FGF14: variants seen among roughly 807,000 people sequenced by gnomAD.
The protein encoded by FGF14 is fibroblast growth factor homologous factor 4.
A neutral mutation model predicts 25.5 loss-of-function variants in FGF14; 5 were observed. The ratio of observed to expected loss-of-function variants is 0.20; its 90% CI spans 0.10 to 0.41. The LOEUF is 0.41. Among genes scored for constraint, FGF14 ranks in the 10% least tolerant of loss-of-function variants. The pLI, the probability that FGF14 is intolerant of heterozygous loss-of-function variation, is 1.00. For synonymous variants in FGF14, 138 were observed against 118.3 expected (o/e 1.17, Z -1.08); for missense variants, 222 against 320.1 (o/e 0.69, Z 2.34).
intron 1 of FGF14, among the ~76,000 whole-genome samples, chr13:102,227,506 A>C (rs1006630350): frequency 2.6e-5 from 4 of 151,938 alleles, no homozygotes; most frequent in African/African-American, 7.3e-5. Flanking sequence ...ATGCATCCCC[A>C]CCCTGATGTC....
At chr13:102,149,087 A>C (rs2046972989) in intron 1 of FGF14, among the ~76,000 whole-genome samples, 1 of 152,194 alleles carries the variant, frequency 6.6e-6, no homozygotes, top group Non-Finnish European at 1.5e-5. Flanking sequence ...GTTAAGCTAT[A>C]TGCTAAGTGC....
At chr13:102,260,143 C>T (rs1467183093) in intron 1 of FGF14, among the ~76,000 whole-genome samples, 5 of 151,856 alleles carry the variant, frequency 3.3e-5, no homozygotes, top group African/African-American at 1.2e-4. Flanking sequence ...AAAAAAGAAG[C>T]GGGAGGAGGG....
chr13:102,257,333 C>CTTTCT lies in FGF14; in HGVS notation c.208+144133_208+144137dup, dbSNP rs1472391360. Among the ~76,000 whole-genome samples the CTTTCT allele has an allele frequency of 9.3e-5, 5 of 53,974 alleles. No homozygotes were observed. In the East Asian group the frequency reaches 2.8e-3, roughly 31 times the overall value. 35.4% of individuals were successfully genotyped at this position (53,974 alleles called of 152,430 possible). ...TCCTTTTTGCATGCATGTCCATTTCCTTTCTTTTCTTTTTTTTTTTTTTTT... is the reference window on the plus strand; with the variant it reads ...TCCTTTTTGCATGCATGTCCATTTCCTTTCTTTTCTTTTCTTTTTTTTTTTTTTTT... On this transcript the variant is annotated intron_variant, in intron 1 of 4. Coordinates refer to the FGF14 transcript ENST00000376131.
intron 1 of FGF14, among the ~76,000 whole-genome samples, chr13:101,995,089 G>C (rs182512632): frequency 5.3e-5 from 8 of 152,112 alleles, no homozygotes; most frequent in Non-Finnish European, 5.9e-5. Context: ...AATTTGAATA[G>C]AGCATATTGT....
intron 1 of FGF14, among the ~76,000 whole-genome samples, chr13:102,161,778 A>G (rs971728020): frequency 2.0e-5 from 3 of 151,790 alleles, no homozygotes; most frequent in Non-Finnish European, 4.4e-5. Context: ...TGTGGGCAGG[A>G]ACTGCTTAAT....
intron 1 of FGF14, among the ~76,000 whole-genome samples, chr13:101,959,831 C>T (rs2476212): frequency 0.052 from 7,980 of 152,236 alleles, 710 homozygotes; most frequent in African/African-American, 0.18. Flanking sequence ...CTTCATCCAT[C>T]CTCTCCTTTC....
intron 1 of FGF14, among the ~76,000 whole-genome samples, chr13:101,911,037 A>G (rs1473174828): frequency 1.3e-5 from 2 of 152,084 alleles, no homozygotes; most frequent in Non-Finnish European, 2.9e-5. Context: ...ATAGAATTCC[A>G]TAACTAAGTG....
intron 1 of FGF14, among the ~76,000 whole-genome samples, chr13:102,347,365 TG>T (rs2057140100): frequency 6.6e-6 from 1 of 152,102 alleles, no homozygotes; most frequent in Non-Finnish European, 1.5e-5. Flanking sequence ...AAAGGAGATA[TG>T]CAGGTGCTGA....
intron 1 of FGF14, among the ~76,000 whole-genome samples, chr13:102,182,302 G>C (rs989766895): frequency 6.6e-6 from 1 of 152,130 alleles, no homozygotes; most frequent in Non-Finnish European, 1.5e-5. Flanking sequence ...CTGACAACTG[G>C]CAAGGCAAGA....
At chr13:102,038,358 C>T (rs954512434) in intron 1 of FGF14, among the ~76,000 whole-genome samples, 1 of 152,098 alleles carries the variant, frequency 6.6e-6, no homozygotes, top group African/African-American at 2.4e-5. Context: ...CATAGAATGA[C>T]ACACACCACA....
chr13:102,045,256 A>C (rs1291719859), intron 1 of FGF14, among the ~76,000 whole-genome samples: 1 of 152,202 alleles, frequency 6.6e-6, no homozygotes, highest in East Asian at 1.9e-4. Flanking sequence ...ACTGGAAAGG[A>C]AACTGCTATG....
intron 1 of FGF14, among the ~76,000 whole-genome samples, chr13:101,994,875 C>T (rs1446790544): frequency 1.3e-5 from 2 of 151,906 alleles, no homozygotes; most frequent in Non-Finnish European, 1.5e-5. Flanking sequence ...TGTTACAGTC[C>T]TACTACAAAT....
At chr13:102,381,872 G>A (rs2058190573) in intron 1 of FGF14, among the ~76,000 whole-genome samples, 1 of 152,118 alleles carries the variant, frequency 6.6e-6, no homozygotes, top group Non-Finnish European at 1.5e-5. Flanking sequence ...TTGGTTATAT[G>A]TCAATTCAAA....
At chr13:101,861,558 AGGCAC>A in intron 3 of FGF14, among the ~76,000 whole-genome samples, 1 of 91,234 alleles carries the variant, frequency 1.1e-5, no homozygotes, top group Admixed American at 1.1e-4. Context: ...AGTGTCTGCA[AGGCAC>A]ATAAACAAAG....
intron 1 of FGF14, among the ~76,000 whole-genome samples, chr13:101,890,080 T>C (rs765986318): frequency 6.6e-6 from 1 of 152,084 alleles, no homozygotes; most frequent in Non-Finnish European, 1.5e-5. Flanking sequence ...CTTTAAACAA[T>C]ACAAAAGCAA....
chr13:101,760,015 A>G (rs981194043), intron 3 of FGF14, among the ~76,000 whole-genome samples: 2 of 152,124 alleles, frequency 1.3e-5, no homozygotes, highest in East Asian at 3.9e-4. Context: ...TTCATCTAAT[A>G]CCAACCCCTG....
intron 1 of FGF14, among the ~76,000 whole-genome samples, chr13:102,012,321 G>A (rs951372498): frequency 3.3e-5 from 5 of 152,184 alleles, no homozygotes; most frequent in African/African-American, 1.2e-4. Context: ...CTGTGCTTGA[G>A]TCTGGAAAGA....
At chr13:102,363,952 T>C (rs775730804) in intron 1 of FGF14, among the ~76,000 whole-genome samples, 6 of 152,232 alleles carry the variant, frequency 3.9e-5, no homozygotes, top group Admixed American at 3.3e-4. Context: ...TACCATTTTG[T>C]TGCATTTGAA....
intron 3 of FGF14, among the ~76,000 whole-genome samples, chr13:101,847,627 A>T (rs2043534216): frequency 6.6e-6 from 1 of 152,112 alleles, no homozygotes; most frequent in Non-Finnish European, 1.5e-5. Context: ...TGAAGACTTC[A>T]TACCATACTC....
Sources: gnomAD v4.1 joint callset for allele counts (sites outside exome capture counted in the v4.1 genomes callset) on GRCh38, gnomAD v4.1.1 for gene constraint, MANE v1.5 for transcripts, NCBI Gene and HGNC (gene_info 2026-07-23, HGNC 2026-07-21) for gene names.